The following PFDN2 variants were observed in gnomAD, a reference collection of about 807,000 sequenced individuals.
PFDN2 encodes prefoldin subunit 2.
A neutral mutation model predicts 18.3 loss-of-function variants in PFDN2; 7 were observed. That is an observed-to-expected ratio of 0.38 (90% CI 0.22 to 0.72). The LOEUF is 0.72. Among genes scored for constraint, PFDN2 ranks in the 30% least tolerant of loss-of-function variants. The pLI is 0.47. For synonymous variants in PFDN2, 76 were observed against 75.0 expected (o/e 1.01, Z -0.07); for missense variants, 181 against 199.1 (o/e 0.91, Z 0.55).
At chr1:161,110,392 T>C (rs1387963967) in intron 1 of PFDN2, among the ~76,000 whole-genome samples, 1 of 152,018 alleles carries the variant, frequency 6.6e-6, no homozygotes, top group Non-Finnish European at 1.5e-5. Context: ...CCTAGTGAAG[T>C]GCAGAAATCA....
Position 161,105,820 on chromosome 1 carries a change from T to A in PFDN2, c.76-3445A>T, listed in dbSNP as rs373023202. 7.2e-5 allele frequency among the ~76,000 whole-genome samples: 11 copies of A among 152,346 alleles called. No homozygotes were observed. The South Asian group carries it at 2.3e-3, about 32-fold the overall frequency. On this transcript the variant is annotated intron_variant, in intron 1 of 3. Transcript: ENST00000368010. ...CTTGCTAATAACTAATTTCCTCTTG[T>A]TCCATTTTATGAACTTTTAATCAAA...
chr1:161,112,220 A>T (rs1487437389), intron 1 of PFDN2, among the ~76,000 whole-genome samples: 1 of 152,258 alleles, frequency 6.6e-6, no homozygotes, highest in African/African-American at 2.4e-5. Context: ...GTAAGGATTA[A>T]GTAATTACAT....
intron 1 of PFDN2, among the ~76,000 whole-genome samples, chr1:161,117,601 G>C (rs1466495619): frequency 6.6e-6 from 1 of 152,174 alleles, no homozygotes; most frequent in East Asian, 1.9e-4. Context: ...TAATTCTCTA[G>C]GGTTAGTTTC....
At chr1:161,102,249 C>A (rs373558052) in intron 2 of PFDN2, 38 bp downstream of exon 2, 6 of 1,610,940 alleles carry the variant, frequency 3.7e-6, no homozygotes, top group African/African-American at 2.7e-5. Context: ...GTAGCCCACA[C>A]AACTGTCCTA....
intron 1 of PFDN2, among the ~76,000 whole-genome samples, chr1:161,117,221 G>C (rs183841050): frequency 6.6e-5 from 10 of 152,336 alleles, no homozygotes; most frequent in Admixed American, 2.0e-4. Flanking sequence ...CTGGGCGACA[G>C]AGCGAGACTC....
intron 3 of PFDN2, 128 bp from the exon 4 acceptor site, chr1:161,100,987 A>G: frequency 1.6e-6 from 1 of 624,084 alleles, no homozygotes; most frequent in Admixed American, 2.7e-5. Flanking sequence ...GAGCCCAGAC[A>G]TTAAAATTAT....
rs183255497 is a variant in PFDN2, at chr1:161,114,402, C to A, written c.75+3550G>T. On this transcript the variant is annotated intron_variant, in intron 1 of 3. Transcript: ENST00000368010. ...CTGTAATCCACCTCAAACATTAAGTCCCACCTGCATCCCAAACATGCCAGG... is the reference window on the plus strand; with the variant it reads ...CTGTAATCCACCTCAAACATTAAGTACCACCTGCATCCCAAACATGCCAGG... 1.4e-3 allele frequency among the ~76,000 whole-genome samples: 211 copies of A among 152,300 alleles called. 2 individuals are homozygous for A. Among genetic ancestry groups the A allele is most frequent in the Non-Finnish European group, 1.3e-4 (9 of 68,020 alleles).
intron 1 of PFDN2, among the ~76,000 whole-genome samples, chr1:161,117,374 G>A (rs904534072): frequency 1.3e-5 from 2 of 152,122 alleles, no homozygotes; most frequent in Non-Finnish European, 2.9e-5. Context: ...CTTATCAAAC[G>A]CTTCCCGATG....
intron 1 of PFDN2, among the ~76,000 whole-genome samples, chr1:161,103,683 C>CAAAAAAAAAAAA (rs553472563): frequency 2.0e-3 from 148 of 74,902 alleles, no homozygotes; most frequent in Non-Finnish European, 2.7e-3. Flanking sequence ...GACTCCGTCT[C>CAAAAAAAAAAAA]AAAAAAAAAA....
chr1:161,118,016 T>A lies in PFDN2; in HGVS notation c.11A>T (p.Asn4Ile). ...GCTGCTCTTGCCGGCGCGACCGCTG[T>A]TCTCCGCCATCTTCGCCGCCTGCTG... MAE[N>I]SGRAGKSSGS... The change falls in exon 1 of 4, where the codon AAC (asparagine) becomes ATC (isoleucine). Residue 4 changes from asparagine to isoleucine, a missense_variant. Physicochemically the swap from Asn to Ile is moderately radical, Grantham distance 149. Transcript: ENST00000368010. 6.2e-7 allele frequency: 1 copy of A among 1,611,960 alleles called. No homozygotes were observed. Among genetic ancestry groups the A allele is most frequent in the Non-Finnish European group, 8.5e-7 (1 of 1,179,308 alleles).
chr1:161,102,190 G>A lies in PFDN2; in HGVS notation c.165-19C>T, dbSNP rs1654580535. ...CACTAGGCTGGGATAGGAGAACAAG[G>A]CAGGACCTGAGGATTCAGCCCCACT... On this transcript the variant is annotated intron_variant, in intron 2 of 3. Transcript: ENST00000368010. 6.2e-7 allele frequency: 1 copy of A among 1,614,118 alleles called. No individual in the cohort carries two copies. Among genetic ancestry groups the A allele is most frequent in the Admixed American group, 1.7e-5 (1 of 60,032 alleles).
At chr1:161,114,553 G>A (rs1345942271) in intron 1 of PFDN2, among the ~76,000 whole-genome samples, 4 of 152,036 alleles carry the variant, frequency 2.6e-5, no homozygotes, top group Non-Finnish European at 5.9e-5. Context: ...TTCTCCTCTA[G>A]AAAACAAAAG....
chr1:161,102,951 C>T (rs1325033856), intron 1 of PFDN2, among the ~76,000 whole-genome samples: 1 of 146,960 alleles, frequency 6.8e-6, no homozygotes, highest in Non-Finnish European at 1.5e-5. Context: ...AGCGAAACTC[C>T]GTCTCAAAAA....
intron 1 of PFDN2, among the ~76,000 whole-genome samples, chr1:161,111,042 A>G (rs1045435921): frequency 1.3e-5 from 2 of 151,782 alleles, no homozygotes; most frequent in African/African-American, 4.8e-5. Context: ...TGGTTTCACC[A>G]TGTTAGCCAG....
intron 1 of PFDN2, among the ~76,000 whole-genome samples, chr1:161,109,240 T>A (rs1186542354): frequency 6.6e-6 from 1 of 152,194 alleles, no homozygotes; most frequent in Non-Finnish European, 1.5e-5. Context: ...TTCCCAAACC[T>A]CTCTCATTCA....
intron 1 of PFDN2, among the ~76,000 whole-genome samples, chr1:161,112,899 T>C (rs1286130615): frequency 6.9e-6 from 1 of 144,606 alleles, no homozygotes; most frequent in East Asian, 2.0e-4. Flanking sequence ...TTATAAAATA[T>C]GTAAAAAAAA....
At chr1:161,116,059 AC>A (rs1434811122) in intron 1 of PFDN2, among the ~76,000 whole-genome samples, 1 of 152,034 alleles carries the variant, frequency 6.6e-6, no homozygotes, top group African/African-American at 2.4e-5. Flanking sequence ...TCCCATCTCT[AC>A]CAAAAAAACA....
At chr1:161,102,956 CAAA>C (rs1383337026) in intron 1 of PFDN2, among the ~76,000 whole-genome samples, 4 of 91,900 alleles carry the variant, frequency 4.4e-5, no homozygotes. Context: ...AACTCCGTCT[CAAA>C]AAAAAAAAAA....
intron 1 of PFDN2, among the ~76,000 whole-genome samples, chr1:161,104,047 G>T (rs1654632140): frequency 6.6e-6 from 1 of 152,182 alleles, no homozygotes; most frequent in South Asian, 2.1e-4. Context: ...TCAGGCCTCA[G>T]TATTTTTAAA....
Sources: allele counts gnomAD v4.1 joint callset (sites outside exome capture counted in the v4.1 genomes callset), GRCh38; gene constraint gnomAD v4.1.1; transcripts MANE v1.5; gene names NCBI Gene and HGNC (gene_info 2026-07-23, HGNC 2026-07-21).